Variants in GAS7 observed in about 807,000 individuals in gnomAD.
GAS7 encodes growth arrest-specific protein 7.
GAS7 carries 28 observed loss-of-function variants against 71.1 expected under a neutral mutation model. That is an observed-to-expected ratio of 0.39 (90% CI 0.29 to 0.54). The LOEUF (loss-of-function observed/expected upper bound fraction) is 0.54, where lower values mean the gene tolerates loss of function less well. Among genes scored for constraint, GAS7 ranks in the 20% least tolerant of loss-of-function variants. The pLI, the probability that GAS7 is intolerant of heterozygous loss-of-function variation, is 0.62. For missense variants in GAS7, 436 were observed against 627.8 expected (o/e 0.69, Z 3.27); for synonymous variants, 258 against 245.8 (o/e 1.05, Z -0.46).
intron 1 of GAS7, among the ~76,000 whole-genome samples, chr17:10,143,267 G>A (rs1365131385): frequency 6.6e-6 from 1 of 151,138 alleles, no homozygotes; most frequent in Admixed American, 6.6e-5. Flanking sequence ...GCGGCCAAGC[G>A]TGGTGGTTCA....
At chr17:9,965,372 T>C (rs2069664179) in intron 4 of GAS7, among the ~76,000 whole-genome samples, 1 of 152,208 alleles carries the variant, frequency 6.6e-6, no homozygotes, top group Non-Finnish European at 1.5e-5. Context: ...TGTAGGGACA[T>C]GGATGAAGCT....
At chr17:10,011,183 C>T (rs73272726) in intron 2 of GAS7, among the ~76,000 whole-genome samples, 4,113 of 152,310 alleles carry the variant, frequency 0.027, 153 homozygotes, top group African/African-American at 0.092. Context: ...GGGACACAGG[C>T]ACTGGACTCT....
intron 1 of GAS7, among the ~76,000 whole-genome samples, chr17:10,079,195 CTG>C (rs772426948): frequency 1.1e-4 from 17 of 152,204 alleles, no homozygotes; most frequent in Non-Finnish European, 1.5e-4. Context: ...GTGGTGGACT[CTG>C]AGAAGCATTT....
intron 1 of GAS7, among the ~76,000 whole-genome samples, chr17:10,080,251 C>T (rs915529153): frequency 5.9e-5 from 9 of 152,140 alleles, no homozygotes; most frequent in Admixed American, 5.9e-4. Context: ...ACATTCCCAC[C>T]AGCACCATGA....
chr17:10,174,433 C>T (rs1483963847), intron 1 of GAS7, among the ~76,000 whole-genome samples: 1 of 152,150 alleles, frequency 6.6e-6, no homozygotes, highest in African/African-American at 2.4e-5. Flanking sequence ...TGGCTCACAT[C>T]TATAATCCCA....
In GAS7 at chr17:10,162,125, G is replaced by A. The variant is rs147595150; in HGVS notation, c.183+36083C>T. Among the ~76,000 whole-genome samples the A allele has an allele frequency of 1.3e-3, 196 of 151,230 alleles. 1 individual carries two copies. The highest frequency in any genetic ancestry group is 4.4e-3 in the African/African-American group (182 of 41,120). ...GAATGCTGGCAGAACCCTTCCGAAG[G>A]CTCCCAGTCTGAAGGTGCTAATATC... On this transcript the variant is annotated intron_variant, in intron 1 of 13. Coordinates refer to ENST00000432992, the MANE Select transcript of GAS7 (RefSeq NM_201433.2).
At chr17:9,943,257 C>A in intron 6 of GAS7, 21 bp from the exon 7 acceptor site, 2 of 1,426,264 alleles carry the variant, frequency 1.4e-6, no homozygotes, top group Non-Finnish European at 2.0e-6. Context: ...AGCAGAAGCA[C>A]AAGAGTTTAG....
At chr17:10,071,442 G>A (rs140332681) in intron 1 of GAS7, among the ~76,000 whole-genome samples, 363 of 152,294 alleles carry the variant, frequency 2.4e-3, no homozygotes, top group Middle Eastern at 6.8e-3. Context: ...TCACCCCCAT[G>A]TCACAGAGAA....
Position 10,128,675 on chromosome 17 carries a change from A to G in GAS7, c.183+69533T>C, listed in dbSNP as rs2073971719. On this transcript the variant is annotated intron_variant, in intron 1 of 13. Transcript: ENST00000432992. ...GATAGAGTCACCCACGCTGGAGTGC[A>G]GCGGCGTGATCTCGGCTCACTGCAA... Among the ~76,000 whole-genome samples, 3 of 148,618 alleles carry G rather than the reference A, an allele frequency of 2.0e-5. 1 individual carries two copies. The South Asian group carries it at 6.3e-4, about 31-fold the overall frequency.
intron 1 of GAS7, among the ~76,000 whole-genome samples, chr17:10,173,707 G>C (rs1440258334): frequency 6.6e-6 from 1 of 151,484 alleles, no homozygotes; most frequent in Non-Finnish European, 1.5e-5. Flanking sequence ...GGGGGAGCTT[G>C]TAGTGAGCCG....
At chr17:10,005,651 T>G (rs2071501081) in intron 2 of GAS7, among the ~76,000 whole-genome samples, 1 of 152,168 alleles carries the variant, frequency 6.6e-6, no homozygotes, top group South Asian at 2.1e-4. Flanking sequence ...TTTTTCAATG[T>G]TGAAAACTAA....
chr17:10,114,628 A>G (rs926387060), intron 1 of GAS7: 28 of 152,122 alleles, frequency 1.8e-4, no homozygotes, highest in Admixed American at 1.7e-3. Flanking sequence ...GCTGTGTCCA[A>G]TTAGCCACCC....
intron 1 of GAS7, among the ~76,000 whole-genome samples, chr17:10,085,565 G>A (rs111851780): frequency 0.022 from 3,303 of 151,792 alleles, 133 homozygotes; most frequent in African/African-American, 0.075. Context: ...GGTGGCGGGC[G>A]CTTGTAGTCC....
chr17:10,082,473 C>T (rs2073468388), intron 1 of GAS7, among the ~76,000 whole-genome samples: 1 of 152,106 alleles, frequency 6.6e-6, no homozygotes, highest in African/African-American at 2.4e-5. Context: ...CATCATACTC[C>T]CTAGAATGGC....
At chr17:10,184,918 A>G (rs2074440695) in intron 1 of GAS7, among the ~76,000 whole-genome samples, 1 of 126,792 alleles carries the variant, frequency 7.9e-6, no homozygotes, top group South Asian at 2.5e-4. Flanking sequence ...CAAGCTCTAT[A>G]AAAACTCTTT....
At chr17:10,100,200 G>A (rs866169866) in intron 1 of GAS7, among the ~76,000 whole-genome samples, 7 of 152,314 alleles carry the variant, frequency 4.6e-5, no homozygotes, top group Middle Eastern at 3.4e-3. Context: ...TTTTGTGGTT[G>A]ATTTCATTAT....
At chr17:9,958,944 A>G (rs1450515004) in intron 5 of GAS7, 30 of 1,385,594 alleles carry the variant, frequency 2.2e-5, no homozygotes, top group Non-Finnish European at 2.6e-5. Flanking sequence ...CTGCCCTGAA[A>G]AAACGGCTTC....
intron 6 of GAS7, among the ~76,000 whole-genome samples, chr17:9,945,188 C>T (rs1207506994): frequency 6.6e-6 from 1 of 152,108 alleles, no homozygotes; most frequent in Non-Finnish European, 1.5e-5. Context: ...CTGCACCCCT[C>T]TTGAGAGATG....
intron 1 of GAS7, among the ~76,000 whole-genome samples, chr17:10,064,342 C>T (rs1002348210): frequency 1.3e-5 from 2 of 152,234 alleles, no homozygotes; most frequent in Non-Finnish European, 2.9e-5. Context: ...GCACAGCAGG[C>T]TCTCGTAGCA....
Sources: gnomAD v4.1 joint callset for allele counts (sites outside exome capture counted in the v4.1 genomes callset) on GRCh38, gnomAD v4.1.1 for gene constraint, MANE v1.5 for transcripts, NCBI Gene and HGNC (gene_info 2026-07-23, HGNC 2026-07-21) for gene names.